The following SCD5 variants were observed in gnomAD, a reference collection of about 807,000 sequenced individuals.
The protein encoded by SCD5 is stearoyl-CoA desaturase 5.
SCD5 carries 20 observed loss-of-function variants against 30.4 expected under a neutral mutation model. The observed-to-expected ratio is 0.66, with a 90% CI of 0.46 to 0.96. The LOEUF (loss-of-function observed/expected upper bound fraction) is 0.96, where lower values mean the gene tolerates loss of function less well. Among genes scored for constraint, SCD5 ranks in the 40% least tolerant of loss-of-function variants. The probability of loss-of-function intolerance (pLI) is 0.00; values close to 1 mark genes in which losing one functional copy is unlikely to be tolerated. For missense variants in SCD5, 381 were observed against 443.3 expected, an observed-to-expected ratio of 0.86 and a Z score of 1.26; for synonymous variants, 173 against 176.4, an observed-to-expected ratio of 0.98 and a Z score of 0.16.
At chr4:82,655,003 C>A (rs566618068) in intron 3 of SCD5, among the ~76,000 whole-genome samples, 1 of 152,132 alleles carries the variant, frequency 6.6e-6, no homozygotes, top group African/African-American at 2.4e-5. Flanking sequence ...CAAGAGAAGG[C>A]CCTCACCATG....
chr4:82,687,173 G>GAAAAAAAA (rs58937590), intron 2 of SCD5, among the ~76,000 whole-genome samples: 5 of 108,632 alleles, frequency 4.6e-5, no homozygotes, highest in Admixed American at 2.0e-4. Context: ...CTTGTTACAA[G>GAAAAAAAA]AAAAAAAAAA....
chr4:82,695,059 C>T (rs921057986), intron 2 of SCD5, among the ~76,000 whole-genome samples: 1 of 132,416 alleles, frequency 7.6e-6, no homozygotes, highest in Non-Finnish European at 1.6e-5. Context: ...GTGGGGACAG[C>T]CATGTGGAGC....
chr4:82,664,995 CTCTCTATATA>C (rs1362597532), intron 3 of SCD5, among the ~76,000 whole-genome samples: 2 of 83,278 alleles, frequency 2.4e-5, no homozygotes, highest in African/African-American at 6.1e-5. Context: ...CTCTCTCTCT[CTCTCTATATA>C]TATATATATA....
chr4:82,796,269 C>CAAAA (rs34612984), intron 1 of SCD5, among the ~76,000 whole-genome samples: 68 of 105,474 alleles, frequency 6.4e-4, no homozygotes, highest in African/African-American at 1.4e-3. Context: ...GACTCTGTCT[C>CAAAA]AAAAAAAAAA....
chr4:82,738,509 C>T (rs1332789329), intron 1 of SCD5, among the ~76,000 whole-genome samples: 1 of 152,192 alleles, frequency 6.6e-6, no homozygotes, highest in Non-Finnish European at 1.5e-5. Context: ...AAGAACACAT[C>T]CCAGCACACT....
chr4:82,676,730 G>C (rs1728444549), intron 3 of SCD5, among the ~76,000 whole-genome samples: 1 of 152,190 alleles, frequency 6.6e-6, no homozygotes, highest in South Asian at 2.1e-4. Context: ...TCCTCACTTT[G>C]TGGAGAGAAG....
At chr4:82,748,324 C>G (rs1195854664) in intron 1 of SCD5, among the ~76,000 whole-genome samples, 1 of 151,686 alleles carries the variant, frequency 6.6e-6, no homozygotes, top group South Asian at 2.1e-4. Flanking sequence ...TGAGCAAGCA[C>G]AGGGCACGGG....
intron 1 of SCD5, among the ~76,000 whole-genome samples, chr4:82,758,856 T>C (rs996698806): frequency 2.6e-5 from 4 of 152,154 alleles, no homozygotes; most frequent in African/African-American, 9.7e-5. Context: ...GGGTCACTCA[T>C]GCCTGGCTTC....
chr4:82,784,080 C>A (rs67201906), intron 1 of SCD5, among the ~76,000 whole-genome samples: 1 of 151,850 alleles, frequency 6.6e-6, no homozygotes, highest in South Asian at 2.1e-4. Flanking sequence ...TGTCAGCTGG[C>A]GAATCTGGAT....
chr4:82,748,448 A>C (rs1278900657), intron 1 of SCD5, among the ~76,000 whole-genome samples: 1 of 152,202 alleles, frequency 6.6e-6, no homozygotes, highest in African/African-American at 2.4e-5. Context: ...TACTTAGCCA[A>C]GCCAAGCATG....
chr4:82,644,271 A>C (rs1044387355), intron 3 of SCD5, among the ~76,000 whole-genome samples: 5 of 152,134 alleles, frequency 3.3e-5, no homozygotes, highest in Admixed American at 2.6e-4. Flanking sequence ...CTCCACTGAG[A>C]CTGTTCAAAG....
chr4:82,641,267 AAAAAAAAAAAAAAAG>A (rs1269841092), intron 3 of SCD5, among the ~76,000 whole-genome samples: 7 of 148,814 alleles, frequency 4.7e-5, no homozygotes, highest in African/African-American at 1.8e-4. Flanking sequence ...AAAAAAAAAA[AAAAAAAAAAAAAAAG>A]AAGGTGAATA....
At chr4:82,728,965 A>G (rs1046431137) in intron 1 of SCD5, among the ~76,000 whole-genome samples, 11 of 152,292 alleles carry the variant, frequency 7.2e-5, no homozygotes, top group African/African-American at 2.4e-4. Context: ...GAGGGCTGCA[A>G]AGAAGATGTG....
chr4:82,629,583 T>C lies in SCD5; in HGVS notation c.*1744A>G, dbSNP rs1489680571. ...TGTAAATCACTCACAGTTTACACAT[T>C]ACCAGTGGCAAAATAACACTGTTAA... On this transcript the variant is annotated 3_prime_UTR_variant, in exon 5 of 5. Coordinates refer to ENST00000319540, the MANE Select transcript of SCD5 (RefSeq NM_001037582.3). 1.3e-5 allele frequency: 2 copies of C among 152,270 alleles called. No homozygotes were observed. Among genetic ancestry groups the C allele is most frequent in the Non-Finnish European group, 2.9e-5 (2 of 68,048 alleles). 9.4% of individuals were successfully genotyped at this position (152,270 alleles called of 1,614,324 possible).
In SCD5 at chr4:82,631,537, T is replaced by C. The variant is rs1727291949; in HGVS notation, c.803-20A>G. On this transcript the variant is annotated intron_variant, in intron 4 of 4. Transcript: ENST00000319540. ...CTTCACCTGGAAGACAAAGCGGGCA[T>C]TGATATAATTCAATCACCACCTCTC... The C allele has an allele frequency of 6.2e-7, 1 of 1,611,956 alleles. No homozygotes were observed. Among genetic ancestry groups the C allele is most frequent in the Admixed American group, 1.7e-5 (1 of 59,996 alleles).
chr4:82,706,003 T>G (rs532979822), intron 1 of SCD5, among the ~76,000 whole-genome samples: 21 of 152,362 alleles, frequency 1.4e-4, no homozygotes, highest in Admixed American at 7.2e-4. Context: ...GTGGTTTTCA[T>G]GAACATGACA....
chr4:82,725,457 A>C (rs148721488), intron 1 of SCD5, among the ~76,000 whole-genome samples: 1 of 152,322 alleles, frequency 6.6e-6, no homozygotes, highest in Non-Finnish European at 1.5e-5. Flanking sequence ...TGTCTCACCA[A>C]ACAAACAAAA....
chr4:82,629,713 T>G lies in SCD5; in HGVS notation c.*1614A>C, dbSNP rs1408280830. 6.6e-6 allele frequency: 1 copy of G among 152,200 alleles called. No individual in the cohort carries two copies. Among genetic ancestry groups the G allele is most frequent in the East Asian group, 1.9e-4 (1 of 5,202 alleles). 9.4% of individuals were successfully genotyped at this position (152,200 alleles called of 1,614,324 possible). A position where few individuals can be genotyped will look rare whatever the true frequency, so the allele number is the denominator to read the frequency against. On this transcript the variant is annotated 3_prime_UTR_variant, in exon 5 of 5. Coordinates refer to ENST00000319540, the MANE Select transcript of SCD5 (RefSeq NM_001037582.3). ...TTAAATCCTACATCTTTTCTGAAAA[T>G]ATCTATCTTCAAAGTGCTCCAATAC...
intron 2 of SCD5, among the ~76,000 whole-genome samples, chr4:82,681,133 T>C (rs1728563941): frequency 6.6e-6 from 1 of 152,044 alleles, no homozygotes; most frequent in Non-Finnish European, 1.5e-5. Flanking sequence ...GATCTCAGCT[T>C]ACGTGTGGGA....
Sources: gnomAD v4.1 joint callset for allele counts (sites outside exome capture counted in the v4.1 genomes callset) on GRCh38, gnomAD v4.1.1 for gene constraint, MANE v1.5 for transcripts, NCBI Gene and HGNC (gene_info 2026-07-23, HGNC 2026-07-21) for gene names.